MTUS2: variants seen among roughly 807,000 people sequenced by gnomAD.
MTUS2 encodes microtubule associated scaffold protein 2, also known as microtubule-associated tumor suppressor candidate 2.
In MTUS2, 40 loss-of-function variants were observed where a neutral mutation model predicts 114.1. That is an observed-to-expected ratio of 0.35 (90% CI 0.27 to 0.46). The LOEUF (loss-of-function observed/expected upper bound fraction) is 0.46. Among genes scored for constraint, MTUS2 ranks in the 20% least tolerant of loss-of-function variants. The pLI, the probability that MTUS2 is intolerant of heterozygous loss-of-function variation, is 1.00. For synonymous variants in MTUS2, 688 were observed against 672.0 expected, an observed-to-expected ratio of 1.02 and a Z score of -0.37; for missense variants, 1,679 against 1,705.4, an observed-to-expected ratio of 0.98 and a Z score of 0.27.
intron 1 of MTUS2, among the ~76,000 whole-genome samples, chr13:28,834,772 A>G (rs1405719028): frequency 6.6e-6 from 1 of 152,214 alleles, no homozygotes; most frequent in Non-Finnish European, 1.5e-5. Context: ...AAAATTATGT[A>G]TCTAATAAGG....
chr13:29,223,461 T>C (rs1199498575), intron 5 of MTUS2, among the ~76,000 whole-genome samples: 1 of 151,844 alleles, frequency 6.6e-6, no homozygotes, highest in Admixed American at 6.6e-5. Context: ...AACCTGCCCG[T>C]GGACATGAGC....
intron 2 of MTUS2, among the ~76,000 whole-genome samples, chr13:28,938,679 G>A (rs560434273): frequency 6.6e-6 from 1 of 151,978 alleles, no homozygotes; most frequent in Non-Finnish European, 1.5e-5. Context: ...GAAATAGAAG[G>A]GAACTTATTG....
intron 8 of MTUS2, among the ~76,000 whole-genome samples, chr13:29,412,677 C>A (rs774623052): frequency 4.6e-5 from 7 of 152,046 alleles, no homozygotes; most frequent in Non-Finnish European, 1.0e-4. Context: ...ATTGCTTGAG[C>A]ATAGGAGTTC....
chr13:29,250,570 G>A (rs1897088200), intron 5 of MTUS2: 2 of 150,780 alleles, frequency 1.3e-5, no homozygotes, highest in Admixed American at 1.3e-4. Context: ...TAGAGGCAGA[G>A]AAGGCAGACC....
At chr13:29,276,263 A>G (rs539827967) in intron 5 of MTUS2, among the ~76,000 whole-genome samples, 2 of 152,320 alleles carry the variant, frequency 1.3e-5, no homozygotes, top group Admixed American at 6.5e-5. Flanking sequence ...TTGTAGAGAG[A>G]TTCGGTTCAT....
chr13:29,012,220 C>T (rs117939385), intron 2 of MTUS2, among the ~76,000 whole-genome samples: 4 of 152,258 alleles, frequency 2.6e-5, no homozygotes, highest in East Asian at 3.9e-4. Context: ...ACCCATGTGG[C>T]GAAGCTTGGT....
chr13:29,472,565 T>C (rs1880400086), intron 9 of MTUS2, among the ~76,000 whole-genome samples: 1 of 152,128 alleles, frequency 6.6e-6, no homozygotes, highest in South Asian at 2.1e-4. Flanking sequence ...CGCCTGGTGG[T>C]CACAGGTTTG....
At chr13:29,273,865 T>C (rs982284381) in intron 5 of MTUS2, among the ~76,000 whole-genome samples, 5 of 152,218 alleles carry the variant, frequency 3.3e-5, no homozygotes, top group African/African-American at 4.8e-5. Flanking sequence ...TTTCTTCTTA[T>C]GGCTGAATAA....
At chr13:29,333,085 G>A (rs921888479) in intron 7 of MTUS2, among the ~76,000 whole-genome samples, 1 of 152,144 alleles carries the variant, frequency 6.6e-6, no homozygotes, top group African/African-American at 2.4e-5. Context: ...GTTCTCATTG[G>A]TTTCAAAGAA....
chr13:28,972,771 AATT>A (rs1300462300), intron 2 of MTUS2, among the ~76,000 whole-genome samples: 1 of 152,130 alleles, frequency 6.6e-6, no homozygotes, highest in Non-Finnish European at 1.5e-5. Context: ...TTGTTTTGTG[AATT>A]ATTTAAACAC....
intron 8 of MTUS2, among the ~76,000 whole-genome samples, chr13:29,399,459 C>CTT (rs1218448301): frequency 6.6e-6 from 1 of 152,182 alleles, no homozygotes; most frequent in East Asian, 1.9e-4. Context: ...TCAAACAACT[C>CTT]TGACAGAAGG....
intron 5 of MTUS2, among the ~76,000 whole-genome samples, chr13:29,158,021 A>G (rs1892936712): frequency 6.6e-6 from 1 of 152,276 alleles, no homozygotes; most frequent in South Asian, 2.1e-4. Context: ...TAAAAATGTA[A>G]CATCGACTTC....
intron 5 of MTUS2, among the ~76,000 whole-genome samples, chr13:29,147,361 C>G (rs1247695590): frequency 6.6e-6 from 1 of 152,108 alleles, no homozygotes; most frequent in Non-Finnish European, 1.5e-5. Flanking sequence ...CAGAAACTTC[C>G]TGTATTCATG....
Position 29,025,094 on chromosome 13 carries a change from G to C in MTUS2, c.396G>C (p.Leu132=), listed in dbSNP as rs762151525. 16 of 1,613,968 alleles carry C rather than the reference G, an allele frequency of 9.9e-6. No homozygotes were observed. Among genetic ancestry groups the C allele is most frequent in the Non-Finnish European group, 1.4e-5 (16 of 1,179,898 alleles). The part of the protein sequence containing the change: ...QTTRSIQGPS[L]SSWRNVMSEA... ...CGCGGAGTATTCAGGGACCAAGTCT[G>C]TCGAGTTGGAGGAATGTGATGAGTG... The change falls in exon 3 of 16, where the codon CTG becomes CTC. Residue 132 remains leucine, a synonymous_variant. Transcript: ENST00000612955.
intron 2 of MTUS2, among the ~76,000 whole-genome samples, chr13:28,924,264 CT>C (rs1278722809): frequency 6.6e-6 from 1 of 152,146 alleles, no homozygotes; most frequent in African/African-American, 2.4e-5. Flanking sequence ...CTAACTTTTG[CT>C]TTATTTCCAG....
intron 8 of MTUS2, among the ~76,000 whole-genome samples, chr13:29,395,215 G>T (rs1249271995): frequency 6.6e-6 from 1 of 152,160 alleles, no homozygotes; most frequent in Non-Finnish European, 1.5e-5. Flanking sequence ...TGTTAATGCT[G>T]GTCAGTTGTG....
intron 5 of MTUS2, among the ~76,000 whole-genome samples, chr13:29,274,985 T>G (rs372916126): frequency 1.4e-4 from 21 of 152,044 alleles, no homozygotes; most frequent in African/African-American, 5.1e-4. Flanking sequence ...TCTCCTGCCT[T>G]GGCCTCCCAA....
Position 29,505,763 on chromosome 13 carries a change from GC to G in MTUS2, c.*2561del. On this transcript the variant is annotated 3_prime_UTR_variant, in exon 16 of 16. Transcript: ENST00000612955. ...GTGGGCGGCCTGCCCCCCGACCGCC[GC>G]CCCTGCCCACCACATGCTGGGACAA... is the stretch of plus-strand genomic sequence containing the variant. The G allele has an allele frequency of 4.4e-6, 1 of 229,088 alleles. No individual in the cohort carries two copies. The highest frequency in any genetic ancestry group is 6.2e-5 in the East Asian group (1 of 16,148). 14.2% of individuals were successfully genotyped at this position (229,088 alleles called of 1,614,324 possible).
intron 6 of MTUS2, among the ~76,000 whole-genome samples, chr13:29,292,717 G>A (rs539129755): frequency 5.2e-4 from 79 of 151,950 alleles, no homozygotes; most frequent in Admixed American, 1.0e-3. Flanking sequence ...TAATTTATTT[G>A]TCATTTACTC....
Sources: allele counts gnomAD v4.1 joint callset (sites outside exome capture counted in the v4.1 genomes callset), GRCh38; gene constraint gnomAD v4.1.1; transcripts MANE v1.5; gene names NCBI Gene and HGNC (gene_info 2026-07-23, HGNC 2026-07-21).